AGBL3: variants seen among roughly 807,000 people sequenced by gnomAD.
The protein encoded by AGBL3 is cytosolic carboxypeptidase 3.
In AGBL3, 68 loss-of-function variants were observed where a neutral mutation model predicts 94.5. The ratio of observed to expected loss-of-function variants is 0.72; its 90% CI spans 0.59 to 0.88. AGBL3 has a LOEUF of 0.88. Among genes scored for constraint, AGBL3 ranks in the 40% least tolerant of loss-of-function variants. The pLI is 0.00. For synonymous variants in AGBL3, 354 were observed against 370.7 expected (o/e 0.95, Z 0.52); for missense variants, 934 against 1,103.8 (o/e 0.85, Z 2.18).
At chr7:135,009,666 C>T (rs569710706) in intron 4 of AGBL3, among the ~76,000 whole-genome samples, 1 of 152,276 alleles carries the variant, frequency 6.6e-6, no homozygotes, top group Non-Finnish European at 1.5e-5. Flanking sequence ...AATAACTTTC[C>T]CAGGATTCTC....
At chr7:135,062,227 A>G (rs899700955) in intron 12 of AGBL3, among the ~76,000 whole-genome samples, 4 of 152,044 alleles carry the variant, frequency 2.6e-5, no homozygotes, top group Non-Finnish European at 5.9e-5. Context: ...GTATAGAATC[A>G]CTACTGATTT....
intron 7 of AGBL3, among the ~76,000 whole-genome samples, chr7:135,035,172 T>C (rs1202986174): frequency 6.6e-6 from 1 of 152,118 alleles, no homozygotes; most frequent in East Asian, 1.9e-4. Context: ...CTAGAATGTT[T>C]TGATGACTTG....
chr7:135,064,954 C>A (rs569325868), intron 12 of AGBL3, among the ~76,000 whole-genome samples: 1 of 150,820 alleles, frequency 6.6e-6, no homozygotes, highest in South Asian at 2.1e-4. Context: ...AGGGTTTTTT[C>A]TCCTGCTTTC....
intron 4 of AGBL3, among the ~76,000 whole-genome samples, chr7:135,009,456 A>G (rs768223221): frequency 1.3e-5 from 2 of 151,856 alleles, no homozygotes; most frequent in Non-Finnish European, 2.9e-5. Context: ...ACATATGCCT[A>G]CATCTCACTC....
At chr7:135,001,949 T>A (rs949215478) in intron 4 of AGBL3, among the ~76,000 whole-genome samples, 2 of 152,218 alleles carry the variant, frequency 1.3e-5, no homozygotes, top group Non-Finnish European at 2.9e-5. Flanking sequence ...CAGTGGTGAC[T>A]TTTACTTCTA....
intron 15 of AGBL3, among the ~76,000 whole-genome samples, chr7:135,114,385 G>A (rs2117173980): frequency 6.6e-6 from 1 of 152,084 alleles, no homozygotes; most frequent in East Asian, 1.9e-4. Flanking sequence ...TTTTTTGATA[G>A]CAGCCATCCT....
chr7:135,006,434 T>C (rs1260018564), intron 4 of AGBL3, among the ~76,000 whole-genome samples: 2 of 151,826 alleles, frequency 1.3e-5, no homozygotes, highest in Admixed American at 6.6e-5. Context: ...TAGCAATGTA[T>C]AGAAAAACTA....
chr7:135,135,239 T>C lies in AGBL3; in HGVS notation c.2741T>C (p.Leu914Pro), dbSNP rs1829291990. Residue 914 changes from leucine (L) to proline (P), a missense_variant, in exon 17 of 17, where the codon CTG becomes CCG. This residue lies in a region of AGBL3 where 441 missense variants were observed against 518.2 expected (regional missense o/e 0.85). Transcript: ENST00000436302. Reference sequence around the variant, plus strand: ...AATGATGGACAACCCACCTTATATCTGAAGTTCCAAAGGGAGAGTTAATCT... The same window carrying C: ...AATGATGGACAACCCACCTTATATCCGAAGTTCCAAAGGGAGAGTTAATCT... ...NKNDGQPTLY[L>P]KFQRES The C allele has an allele frequency of 1.3e-6, 2 of 1,528,374 alleles. No individual in the cohort carries two copies. The highest frequency in any genetic ancestry group is 2.8e-5 in the African/African-American group (2 of 71,524). 94.7% of individuals were successfully genotyped at this position (1,528,374 alleles called of 1,614,324 possible).
At chr7:135,050,601 T>A (rs186103524) in intron 11 of AGBL3, among the ~76,000 whole-genome samples, 3 of 152,140 alleles carry the variant, frequency 2.0e-5, no homozygotes, top group Non-Finnish European at 2.9e-5. Flanking sequence ...ATCTTCCTAG[T>A]GGATTGGCCC....
intron 15 of AGBL3, among the ~76,000 whole-genome samples, chr7:135,089,112 T>A (rs1821571040): frequency 6.6e-6 from 1 of 152,104 alleles, no homozygotes; most frequent in African/African-American, 2.4e-5. Context: ...TACCTGTCTT[T>A]AAGTTCAGAG....
chr7:135,052,068 CAA>C (rs1201690216), intron 11 of AGBL3, among the ~76,000 whole-genome samples: 2 of 151,982 alleles, frequency 1.3e-5, no homozygotes, highest in Non-Finnish European at 2.9e-5. Flanking sequence ...AGGGAACATT[CAA>C]AAAAGTGTTG....
intron 4 of AGBL3, among the ~76,000 whole-genome samples, chr7:134,998,001 C>A (rs1193651069): frequency 6.6e-6 from 1 of 152,144 alleles, no homozygotes. Context: ...TTACTCAGCC[C>A]ATTTTTCATT....
At chr7:135,062,174 TTTC>T (rs1395441350) in intron 12 of AGBL3, among the ~76,000 whole-genome samples, 5 of 152,054 alleles carry the variant, frequency 3.3e-5, no homozygotes, top group Admixed American at 6.6e-5. Flanking sequence ...ATGTTCTTGA[TTTC>T]TTTTTTGATT....
intron 15 of AGBL3, among the ~76,000 whole-genome samples, chr7:135,084,993 C>T (rs1230889430): frequency 6.6e-6 from 1 of 152,104 alleles, no homozygotes; most frequent in Non-Finnish European, 1.5e-5. Context: ...TCTCTACATC[C>T]TCTCCAATAC....
In AGBL3 at chr7:135,074,430, A is replaced by G. The variant is rs565087520; in HGVS notation, c.1909-1967A>G. ...TCTAACAAAATTTAAGACAGTTGCC[A>G]GAAGAAGAGGGAATGGGTTCTGGGG... is the stretch of plus-strand genomic sequence containing the variant. On this transcript the variant is annotated intron_variant, in intron 12 of 16. Transcript: ENST00000436302. Among the ~76,000 whole-genome samples, 123 of 152,310 alleles carry G rather than the reference A, an allele frequency of 8.1e-4. 1 individual carries two copies. The highest frequency in any genetic ancestry group is 2.9e-3 in the African/African-American group (119 of 41,574).
At position 135,094,075 on chromosome 7, in the gene AGBL3, T is replaced by C. The variant is rs192016142; in HGVS notation, c.2110+12285T>C. The C allele has an allele frequency of 9.3e-4, 255 of 273,950 alleles. 1 individual carries two copies. Among genetic ancestry groups the C allele is most frequent in the African/African-American group, 5.3e-3 (232 of 43,808 alleles). 17.0% of individuals were successfully genotyped at this position (273,950 alleles called of 1,614,324 possible). ...AAAGAATGAAGTTGGCCGTGTTCCT[T>C]ATACCATACACTAAAAATAATAAAA... is the stretch of plus-strand genomic sequence containing the variant. On this transcript the variant is annotated intron_variant, in intron 15 of 16. Coordinates refer to ENST00000436302, the MANE Select transcript of AGBL3 (RefSeq NM_178563.4).
intron 16 of AGBL3, among the ~76,000 whole-genome samples, chr7:135,124,433 A>G (rs956629933): frequency 2.6e-5 from 4 of 152,230 alleles, no homozygotes; most frequent in Non-Finnish European, 5.9e-5. Flanking sequence ...ACAGACTCCC[A>G]CACAATAATA....
At chr7:135,101,464 A>G (rs887081849) in intron 15 of AGBL3, among the ~76,000 whole-genome samples, 3 of 152,174 alleles carry the variant, frequency 2.0e-5, no homozygotes, top group African/African-American at 7.2e-5. Flanking sequence ...TGAGTTGAAT[A>G]TAGAAGGAAA....
At chr7:135,133,223 AT>A (rs1428326494) in intron 16 of AGBL3, among the ~76,000 whole-genome samples, 5 of 152,232 alleles carry the variant, frequency 3.3e-5, no homozygotes, top group Admixed American at 1.3e-4. Context: ...CTCAAAAAAA[AT>A]ACTTGGTTTT....
Sources: gnomAD v4.1 joint callset for allele counts (sites outside exome capture counted in the v4.1 genomes callset) on GRCh38, gnomAD v4.1.1 for gene constraint, gnomAD v4.1.1 regional missense constraint, MANE v1.5 for transcripts, NCBI Gene and HGNC (gene_info 2026-07-23, HGNC 2026-07-21) for gene names.